The following MITF variants were observed in gnomAD, a reference collection of about 807,000 sequenced individuals.
MITF encodes melanocyte inducing transcription factor.
A neutral mutation model predicts 60.5 loss-of-function variants in MITF; 17 were observed. The ratio of observed to expected loss-of-function variants is 0.28; its 90% CI spans 0.19 to 0.42. MITF has a LOEUF of 0.42. MITF is among the 10% of genes least tolerant of loss of function. The probability of loss-of-function intolerance (pLI) is 1.00; values close to 1 mark genes in which losing one functional copy is unlikely to be tolerated. For synonymous variants in MITF, 260 were observed against 248.5 expected (o/e 1.05, Z -0.43); for missense variants, 622 against 683.5 (o/e 0.91, Z 1.00).
chr3:69,865,606 G>C (rs1025400002), intron 1 of MITF, among the ~76,000 whole-genome samples: 7 of 152,180 alleles, frequency 4.6e-5, no homozygotes, highest in Admixed American at 2.0e-4. Flanking sequence ...TGTCCTGAAA[G>C]ATGGTGGCCA....
intron 1 of MITF, among the ~76,000 whole-genome samples, chr3:69,865,031 G>A (rs896470174): frequency 6.6e-6 from 1 of 151,938 alleles, no homozygotes; most frequent in Non-Finnish European, 1.5e-5. Flanking sequence ...TAAACTCCAC[G>A]AATTTACACA....
At chr3:69,821,958 G>T (rs1471565423) in intron 1 of MITF, among the ~76,000 whole-genome samples, 1 of 152,130 alleles carries the variant, frequency 6.6e-6, no homozygotes, top group Non-Finnish European at 1.5e-5. Flanking sequence ...GGCCAGGCTG[G>T]TCTAGAACGC....
At chr3:69,814,518 G>A (rs961859328) in intron 1 of MITF, among the ~76,000 whole-genome samples, 2 of 151,916 alleles carry the variant, frequency 1.3e-5, no homozygotes, top group Non-Finnish European at 2.9e-5. Context: ...TTGTAGAAAC[G>A]GAGTCTCCCT....
intron 2 of MITF, among the ~76,000 whole-genome samples, chr3:69,909,881 A>G (rs950259318): frequency 2.0e-5 from 3 of 152,216 alleles, no homozygotes; most frequent in African/African-American, 7.2e-5. Context: ...TGCAGTAGAA[A>G]AGAAAAACCC....
At chr3:69,949,659 G>A (rs2066192493) in intron 6 of MITF, among the ~76,000 whole-genome samples, 1 of 152,086 alleles carries the variant, frequency 6.6e-6, no homozygotes, top group East Asian at 1.9e-4. Flanking sequence ...TTGCTGTATT[G>A]TGTGCAAAAG....
intron 1 of MITF, among the ~76,000 whole-genome samples, chr3:69,872,926 ATCCT>A (rs924130195): frequency 6.6e-6 from 1 of 152,174 alleles, no homozygotes; most frequent in Non-Finnish European, 1.5e-5. Context: ...ACACCATGAT[ATCCT>A]GCATGTCTAG....
rs55969316 is a variant in MITF, at chr3:69,848,957, CTTTTTTTTTTTT to C, written c.105-30163_105-30152del. 4.1e-5 allele frequency among the ~76,000 whole-genome samples: 3 copies of C among 73,302 alleles called. No homozygotes were observed. In the East Asian group the frequency reaches 1.1e-3, roughly 26 times the overall value. The allele number at this position is 73,302 out of a possible 152,430, so 48.1% of individuals were successfully genotyped here. On this transcript the variant is annotated intron_variant, in intron 1 of 9. Coordinates refer to ENST00000352241, the MANE Select transcript of MITF (RefSeq NM_001354604.2). ...GGAAATTATTTGGGCAAAGATTCTT[CTTTTTTTTTTTT>C]TTTTTTTTTTTTTGAGACGGAGTCT...
At chr3:69,921,037 T>A (rs1469883118) in intron 2 of MITF, among the ~76,000 whole-genome samples, 4 of 152,124 alleles carry the variant, frequency 2.6e-5, no homozygotes, top group Non-Finnish European at 5.9e-5. Flanking sequence ...CCAGATAATT[T>A]TTTTGTAGTT....
chr3:69,930,195 C>A (rs2107457551), intron 2 of MITF, among the ~76,000 whole-genome samples: 1 of 152,156 alleles, frequency 6.6e-6, no homozygotes, highest in South Asian at 2.1e-4. Context: ...TCAGAGACCT[C>A]TGTTCTGGGG....
intron 1 of MITF, among the ~76,000 whole-genome samples, chr3:69,812,642 A>T (rs1222792914): frequency 6.6e-6 from 1 of 152,112 alleles, no homozygotes; most frequent in African/African-American, 2.4e-5. Flanking sequence ...ATATTTTTAG[A>T]TAGAGTTCAA....
chr3:69,792,248 A>C (rs2062752213), intron 1 of MITF, among the ~76,000 whole-genome samples: 1 of 152,228 alleles, frequency 6.6e-6, no homozygotes, highest in Non-Finnish European at 1.5e-5. Flanking sequence ...AAAGGGCCAG[A>C]TGTTTGGAGT....
chr3:69,772,748 G>A (rs180919622), intron 1 of MITF, among the ~76,000 whole-genome samples: 127 of 152,182 alleles, frequency 8.3e-4, no homozygotes, highest in Non-Finnish European at 1.5e-3. Flanking sequence ...GCTAGCAAAC[G>A]TTTCACAGCT....
At chr3:69,909,987 G>T (rs1328103670) in intron 2 of MITF, among the ~76,000 whole-genome samples, 1 of 152,128 alleles carries the variant, frequency 6.6e-6, no homozygotes, top group Non-Finnish European at 1.5e-5. Context: ...AATGTCTCCA[G>T]GCCATGTCAG....
intron 1 of MITF, among the ~76,000 whole-genome samples, chr3:69,792,981 T>C: frequency 6.8e-6 from 1 of 147,156 alleles, no homozygotes; most frequent in South Asian, 2.2e-4. Flanking sequence ...TCTTGTTTTA[T>C]GGGCTAAAGT....
chr3:69,927,997 T>C (rs535669119), intron 2 of MITF, among the ~76,000 whole-genome samples: 3 of 152,358 alleles, frequency 2.0e-5, no homozygotes, highest in South Asian at 4.1e-4. Context: ...TTTGGGGCCG[T>C]CGGGTCCATT....
At chr3:69,912,678 A>G (rs1490999687) in intron 2 of MITF, among the ~76,000 whole-genome samples, 1 of 152,208 alleles carries the variant, frequency 6.6e-6, no homozygotes, top group Non-Finnish European at 1.5e-5. Flanking sequence ...AAGCTTCACA[A>G]ACCTGCTAGA....
chr3:69,907,294 C>T (rs982491159), intron 2 of MITF, among the ~76,000 whole-genome samples: 36 of 152,136 alleles, frequency 2.4e-4, no homozygotes, highest in African/African-American at 8.5e-4. Flanking sequence ...ATGAAAAAGT[C>T]ATGTGGGTTT....
rs1553705327 is a variant in MITF at position 69,959,515 on chromosome 3, G to A, written c.1179+95G>A. 1.0e-5 allele frequency: 15 copies of A among 1,439,712 alleles called. 1 individual carries two copies. Among genetic ancestry groups the A allele is most frequent in the South Asian group, 4.8e-5 (4 of 83,542 alleles). 89.2% of individuals were successfully genotyped at this position (1,439,712 alleles called of 1,614,324 possible). Reference sequence around the variant, plus strand: ...ATGAGCCATAGGGGAGTTGACTTACGTGATCCTAACACAGTCAATCCTTAT... The same window carrying A: ...ATGAGCCATAGGGGAGTTGACTTACATGATCCTAACACAGTCAATCCTTAT... On this transcript the variant is annotated intron_variant, in intron 9 of 9. Transcript: ENST00000352241.
At chr3:69,909,799 G>T (rs1331960147) in intron 2 of MITF, among the ~76,000 whole-genome samples, 2 of 152,098 alleles carry the variant, frequency 1.3e-5, no homozygotes. Context: ...GGTGACTTTG[G>T]GTGCTGTTAA....
Sources: gnomAD v4.1 joint callset for allele counts (sites outside exome capture counted in the v4.1 genomes callset) on GRCh38, gnomAD v4.1.1 for gene constraint, MANE v1.5 for transcripts, NCBI Gene and HGNC (gene_info 2026-07-23, HGNC 2026-07-21) for gene names.